Variants in SFT2D2 observed in about 807,000 individuals in gnomAD.
The protein encoded by SFT2D2 is SFT2 domain containing 2, also known as vesicle transport protein SFT2B.
SFT2D2 carries 21 observed loss-of-function variants against 27.4 expected under a neutral mutation model. That is an observed-to-expected ratio of 0.77 (90% CI 0.54 to 1.10). SFT2D2 has a LOEUF of 1.10. Among genes scored for constraint, SFT2D2 ranks in the 50% least tolerant of loss-of-function variants. SFT2D2 has a pLI of 0.00. For missense variants in SFT2D2, 187 were observed against 194.2 expected (o/e 0.96, Z 0.22); for synonymous variants, 72 against 71.7 (o/e 1.00, Z -0.02).
In SFT2D2 at chr1:168,243,706, T is replaced by G. The variant is rs1393139070; in HGVS notation, c.*1166T>G. ...CAAGGGAATCAAGGCCCACACTGGT[T>G]TTTGGATCCACCCAAAGCCACAGCT... is the stretch of plus-strand genomic sequence containing the variant. On this transcript the variant is annotated 3_prime_UTR_variant, in exon 8 of 8. Transcript: ENST00000271375. 1 of 152,526 alleles carries G rather than the reference T, an allele frequency of 6.6e-6. No homozygotes were observed. The highest frequency in any genetic ancestry group is 1.5e-5 in the Non-Finnish European group (1 of 68,306). 9.4% of individuals were successfully genotyped at this position (152,526 alleles called of 1,614,324 possible).
rs949898713 is a variant in SFT2D2 at position 168,243,709 on chromosome 1, T to TG, written c.*1171dup. 2 of 152,594 alleles carry TG rather than the reference T, an allele frequency of 1.3e-5. No homozygotes were observed. The highest frequency in any genetic ancestry group is 4.8e-5 in the African/African-American group (2 of 41,460). 9.5% of individuals were successfully genotyped at this position (152,594 alleles called of 1,614,324 possible). A position where few individuals can be genotyped will look rare whatever the true frequency, so the allele number is the denominator to read the frequency against. ...GGGAATCAAGGCCCACACTGGTTTTTGGATCCACCCAAAGCCACAGCTTCA... is the reference window on the plus strand; with the variant it reads ...GGGAATCAAGGCCCACACTGGTTTTTGGGATCCACCCAAAGCCACAGCTTCA... On this transcript the variant is annotated 3_prime_UTR_variant, in exon 8 of 8. Transcript: ENST00000271375.
chr1:168,229,759 A>T (rs1294746128), intron 1 of SFT2D2: 1 of 152,194 alleles, frequency 6.6e-6, no homozygotes, highest in East Asian at 1.9e-4. Context: ...GTAGCTTCTC[A>T]TTTTATTCTG....
chr1:168,245,255 A>G lies in SFT2D2; in HGVS notation c.*2715A>G, dbSNP rs534659802. 2.0e-5 allele frequency: 3 copies of G among 152,268 alleles called. No individual in the cohort carries two copies. The highest frequency in any genetic ancestry group is 4.8e-5 in the African/African-American group (2 of 41,470). The allele number at this position is 152,268 out of a possible 1,614,324, so 9.4% of individuals were successfully genotyped here. The stretch of plus-strand genomic sequence containing the variant: ...ACTGAAACCAGCAAGTGAGTTTCGC[A>G]ACACAGCAGGATATATAATTGATAT... On this transcript the variant is annotated 3_prime_UTR_variant, in exon 8 of 8. Transcript: ENST00000271375.
chr1:168,230,717 C>T (rs752426545), intron 1 of SFT2D2, among the ~76,000 whole-genome samples: 6 of 152,146 alleles, frequency 3.9e-5, no homozygotes, highest in Non-Finnish European at 8.8e-5. Flanking sequence ...TCAGGTGATG[C>T]GCCCACCTTG....
rs11387591 is a variant in SFT2D2 at position 168,241,205 on chromosome 1, C to CTTTTTTTT, written c.444-1283_444-1276dup. Among the ~76,000 whole-genome samples the CTTTTTTTT allele has an allele frequency of 2.9e-3, 295 of 100,078 alleles. 3 individuals are homozygous for CTTTTTTTT. The highest frequency in any genetic ancestry group is 3.9e-3 in the Non-Finnish European group (209 of 52,988). The allele number at this position is 100,078 out of a possible 152,430, so 65.7% of individuals were successfully genotyped here. Reference sequence around the variant, plus strand: ...CAGAGCTAGATCCCACCCTTCTATTCTTTTTTTTTTTTTTTTTTTTGAGAT... The same window carrying CTTTTTTTT: ...CAGAGCTAGATCCCACCCTTCTATTCTTTTTTTTTTTTTTTTTTTTTTTTTTTTGAGAT... On this transcript the variant is annotated intron_variant, in intron 7 of 7. Coordinates refer to ENST00000271375, the MANE Select transcript of SFT2D2 (RefSeq NM_199344.3).
intron 7 of SFT2D2, among the ~76,000 whole-genome samples, chr1:168,240,174 CAAAAAAA>C (rs71299093): frequency 2.1e-4 from 22 of 103,196 alleles, no homozygotes; most frequent in Middle Eastern, 4.5e-3. Context: ...GACTCTGTCT[CAAAAAAA>C]AAAAAAAAAA....
Position 168,244,937 on chromosome 1 carries a change from C to T in SFT2D2, c.*2397C>T, listed in dbSNP as rs939601276. 6.6e-6 allele frequency: 1 copy of T among 152,116 alleles called. No homozygotes were observed. The highest frequency in any genetic ancestry group is 6.5e-5 in the Admixed American group (1 of 15,274). The allele number at this position is 152,116 out of a possible 1,614,324, so 9.4% of individuals were successfully genotyped here. Reference sequence around the variant, plus strand: ...AGGGATACAAGAGAATTTCCTCAACCTGTCGAAGGGCATCTTTAAAATATC... The same window carrying T: ...AGGGATACAAGAGAATTTCCTCAACTTGTCGAAGGGCATCTTTAAAATATC... On this transcript the variant is annotated 3_prime_UTR_variant, in exon 8 of 8. Transcript: ENST00000271375.
chr1:168,237,391 G>A (rs966812432), intron 6 of SFT2D2, among the ~76,000 whole-genome samples: 1 of 152,176 alleles, frequency 6.6e-6, no homozygotes, highest in African/African-American at 2.4e-5. Context: ...AAGGGCCGCT[G>A]GAGACATTTT....
At position 168,244,941 on chromosome 1, in the gene SFT2D2, C is replaced by T. The variant is rs546431099; in HGVS notation, c.*2401C>T. 4.2e-4 allele frequency: 64 copies of T among 152,116 alleles called. No individual in the cohort carries two copies. The highest frequency in any genetic ancestry group is 1.5e-3 in the African/African-American group (63 of 41,450). The allele number at this position is 152,116 out of a possible 1,614,324, so 9.4% of individuals were successfully genotyped here. Reference sequence around the variant, plus strand: ...ATACAAGAGAATTTCCTCAACCTGTCGAAGGGCATCTTTAAAATATCTACT... The same window carrying T: ...ATACAAGAGAATTTCCTCAACCTGTTGAAGGGCATCTTTAAAATATCTACT... On this transcript the variant is annotated 3_prime_UTR_variant, in exon 8 of 8. Coordinates refer to ENST00000271375, the MANE Select transcript of SFT2D2 (RefSeq NM_199344.3).
rs1647900770 is a variant in SFT2D2 at position 168,249,374 on chromosome 1, TACAGGCATGTGCCACC to T, written c.*6838_*6853del. 1 of 152,368 alleles carries T rather than the reference TACAGGCATGTGCCACC, an allele frequency of 6.6e-6. No homozygotes were observed. Among genetic ancestry groups the T allele is most frequent in the African/African-American group, 2.4e-5 (1 of 41,454 alleles). The allele number at this position is 152,368 out of a possible 1,614,324, so 9.4% of individuals were successfully genotyped here. Reference sequence around the variant, plus strand: ...CCTCAGCCTCCCAAGAAACTGGGACTACAGGCATGTGCCACCACACCCGGCTAATTTTTGTATTTTT... The same window carrying T: ...CCTCAGCCTCCCAAGAAACTGGGACTACACCCGGCTAATTTTTGTATTTTT... On this transcript the variant is annotated 3_prime_UTR_variant, in exon 8 of 8. Transcript: ENST00000271375.
rs1647985550 is a variant in SFT2D2, at chr1:168,253,000, A to G, written c.*10460A>G. The stretch of plus-strand genomic sequence containing the variant: ...TTTTTTTGCTTTCTTTCTTCAATAA[A>G]TGATAGCATTATGATCTTTAATAAA... On this transcript the variant is annotated 3_prime_UTR_variant, in exon 8 of 8. Transcript: ENST00000271375. 1 of 152,202 alleles carries G rather than the reference A, an allele frequency of 6.6e-6. No individual in the cohort carries two copies. Among genetic ancestry groups the G allele is most frequent in the African/African-American group, 2.4e-5 (1 of 41,446 alleles). The allele number at this position is 152,202 out of a possible 1,614,324, so 9.4% of individuals were successfully genotyped here. A position where few individuals can be genotyped will look rare whatever the true frequency, so the allele number is the denominator to read the frequency against.
chr1:168,226,591 G>C (rs1700461468), intron 1 of SFT2D2, among the ~76,000 whole-genome samples: 1 of 152,170 alleles, frequency 6.6e-6, no homozygotes, highest in Non-Finnish European at 1.5e-5. Flanking sequence ...GGGGCTGGTG[G>C]CCGCGCCCCG....
intron 1 of SFT2D2, 28 bp from the exon 2 acceptor site, chr1:168,231,484 GTA>G: frequency 6.5e-7 from 1 of 1,541,146 alleles, no homozygotes; most frequent in East Asian, 2.2e-5. Flanking sequence ...AAATGTGTGT[GTA>G]TATGTATTTT....
rs1196790090 is a variant in SFT2D2, at chr1:168,247,727, C to T, written c.*5187C>T. 1.3e-5 allele frequency: 2 copies of T among 152,318 alleles called. No individual in the cohort carries two copies. Among genetic ancestry groups the T allele is most frequent in the East Asian group, 3.9e-4 (2 of 5,186 alleles). The allele number at this position is 152,318 out of a possible 1,614,324, so 9.4% of individuals were successfully genotyped here. A position where few individuals can be genotyped will look rare whatever the true frequency, so the allele number is the denominator to read the frequency against. On this transcript the variant is annotated 3_prime_UTR_variant, in exon 8 of 8. Coordinates refer to ENST00000271375, the MANE Select transcript of SFT2D2 (RefSeq NM_199344.3). ...GCTGGGTTAAATGGTATTTCTAGTT[C>T]TAGATCCTTGAGGAATCGCCACACT...
rs531863320 is a variant in SFT2D2 at position 168,251,720 on chromosome 1, GT to G, written c.*9188del. The G allele has an allele frequency of 2.6e-5, 4 of 151,164 alleles. No individual in the cohort carries two copies. The highest frequency in any genetic ancestry group is 4.4e-5 in the Non-Finnish European group (3 of 67,820). The allele number at this position is 151,164 out of a possible 1,614,324, so 9.4% of individuals were successfully genotyped here. ...TTTTTTTTTAATTTAAAAATCTTAAGTTTTTTTTAGTAAGCTTAAGATGTCC... is the reference window on the plus strand; with the variant it reads ...TTTTTTTTTAATTTAAAAATCTTAAGTTTTTTTAGTAAGCTTAAGATGTCC... On this transcript the variant is annotated 3_prime_UTR_variant, in exon 8 of 8. Transcript: ENST00000271375.
chr1:168,238,815 G>A (rs973239812), intron 6 of SFT2D2, among the ~76,000 whole-genome samples: 1 of 152,202 alleles, frequency 6.6e-6, no homozygotes, highest in African/African-American at 2.4e-5. Context: ...AAATCTGACT[G>A]TTTAAGGTGA....
intron 1 of SFT2D2, 73 bp downstream of exon 1, chr1:168,226,215 GCCTGCGGGGACTC>G (rs1268215136): frequency 3.6e-6 from 5 of 1,376,696 alleles, no homozygotes; most frequent in Admixed American, 2.6e-5. Flanking sequence ...GGCCTGGGAA[GCCTGCGGGGACTC>G]CCTGGAGTTT....
In SFT2D2 at chr1:168,251,181, G is replaced by A. The variant is rs1647942348; in HGVS notation, c.*8641G>A. 1 of 152,088 alleles carries A rather than the reference G, an allele frequency of 6.6e-6. No individual in the cohort carries two copies. Among genetic ancestry groups the A allele is most frequent in the African/African-American group, 2.4e-5 (1 of 41,380 alleles). The allele number at this position is 152,088 out of a possible 1,614,324, so 9.4% of individuals were successfully genotyped here. A position where few individuals can be genotyped will look rare whatever the true frequency, so the allele number is the denominator to read the frequency against. On this transcript the variant is annotated 3_prime_UTR_variant, in exon 8 of 8. Coordinates refer to ENST00000271375, the MANE Select transcript of SFT2D2 (RefSeq NM_199344.3). ...AAAAAAATCAGCCAGGCTAGCTGGTGTGCGCCTATAATCCCAGCTACTTGG... is the reference window on the plus strand; with the variant it reads ...AAAAAAATCAGCCAGGCTAGCTGGTATGCGCCTATAATCCCAGCTACTTGG...
Position 168,226,045 on chromosome 1 carries a change from G to T in SFT2D2, c.-35G>T. ...AACTTAGCGAGCGCAACAGGCTGCC[G>T]CTGAGGAGCTGGAGCTGGTGGGGAC... On this transcript the variant is annotated 5_prime_UTR_variant, in exon 1 of 8. Coordinates refer to ENST00000271375, the MANE Select transcript of SFT2D2 (RefSeq NM_199344.3). 1.3e-6 allele frequency: 2 copies of T among 1,493,742 alleles called. No homozygotes were observed. Among genetic ancestry groups the T allele is most frequent in the South Asian group, 1.3e-5 (1 of 77,786 alleles). 92.5% of individuals were successfully genotyped at this position (1,493,742 alleles called of 1,614,324 possible).
Sources: gnomAD v4.1 joint callset for allele counts (sites outside exome capture counted in the v4.1 genomes callset) on GRCh38, gnomAD v4.1.1 for gene constraint, MANE v1.5 for transcripts, NCBI Gene and HGNC (gene_info 2026-07-23, HGNC 2026-07-21) for gene names.